Variants in ZNF385D observed in about 807,000 individuals in gnomAD.
The protein encoded by ZNF385D is zinc finger protein 659.
ZNF385D carries 15 observed loss-of-function variants against 35.8 expected under a neutral mutation model. That is an observed-to-expected ratio of 0.42 (90% CI 0.28 to 0.64). The LOEUF (loss-of-function observed/expected upper bound fraction) is 0.64. ZNF385D is among the 30% of genes least tolerant of loss of function. The pLI is 0.23. For synonymous variants in ZNF385D, 212 were observed against 186.8 expected (o/e 1.13, Z -1.10); for missense variants, 474 against 494.6 (o/e 0.96, Z 0.39).
chr3:21,796,086 T>C (rs903953535), intron 3 of ZNF385D, among the ~76,000 whole-genome samples: 17 of 152,218 alleles, frequency 1.1e-4, no homozygotes, highest in African/African-American at 3.9e-4. Flanking sequence ...CTCGACACTA[T>C]GAACAGTTGC....
chr3:21,589,259 C>G (rs2063901089), intron 2 of ZNF385D, among the ~76,000 whole-genome samples: 1 of 152,158 alleles, frequency 6.6e-6, no homozygotes, highest in African/African-American at 2.4e-5. Context: ...AAGAGCACTT[C>G]AGGCAAAGGC....
chr3:21,534,123 A>G (rs2061984212), intron 3 of ZNF385D, among the ~76,000 whole-genome samples: 1 of 144,532 alleles, frequency 6.9e-6, no homozygotes, highest in South Asian at 2.2e-4. Context: ...TGAGACTCAC[A>G]GAAGTTAAAA....
At chr3:21,573,782 G>A (rs116471623) in intron 2 of ZNF385D, among the ~76,000 whole-genome samples, 4,215 of 152,124 alleles carry the variant, frequency 0.028, 134 homozygotes, top group South Asian at 0.11. Context: ...ATAATGGGCT[G>A]GGCACGGTGG....
chr3:21,926,470 T>C (rs1369172076), intron 3 of ZNF385D, among the ~76,000 whole-genome samples: 4 of 152,194 alleles, frequency 2.6e-5, no homozygotes, highest in Admixed American at 2.6e-4. Flanking sequence ...GAACTCATCC[T>C]TTTTTATGGC....
intron 3 of ZNF385D, among the ~76,000 whole-genome samples, chr3:22,155,204 A>G (rs1417573306): frequency 6.6e-6 from 1 of 152,152 alleles, no homozygotes; most frequent in Non-Finnish European, 1.5e-5. Flanking sequence ...ATAAAAATAA[A>G]TAAAAAGATC....
At chr3:22,241,572 T>C (rs763825061) in intron 2 of ZNF385D, among the ~76,000 whole-genome samples, 4 of 151,226 alleles carry the variant, frequency 2.6e-5, no homozygotes, top group Non-Finnish European at 4.4e-5. Flanking sequence ...GCTTTGGATT[T>C]ATTATTTCTA....
intron 3 of ZNF385D, among the ~76,000 whole-genome samples, chr3:22,068,583 A>G (rs949935031): frequency 6.6e-6 from 1 of 152,172 alleles, no homozygotes. Context: ...GGCTTCCTAC[A>G]GGTTCAACAT....
At chr3:22,168,682 C>G (rs756121823) in intron 3 of ZNF385D, 116 of 427,944 alleles carry the variant, frequency 2.7e-4, no homozygotes, top group Admixed American at 4.5e-4. Flanking sequence ...TTAATGTACT[C>G]TGCTGATAAA....
intron 3 of ZNF385D, among the ~76,000 whole-genome samples, chr3:22,121,456 G>T (rs976400686): frequency 1.3e-5 from 2 of 152,036 alleles, no homozygotes; most frequent in African/African-American, 4.8e-5. Flanking sequence ...TGATGTAAAT[G>T]GAAAAAGGTA....
At chr3:22,042,645 C>G (rs1314000462) in intron 3 of ZNF385D, among the ~76,000 whole-genome samples, 1 of 152,138 alleles carries the variant, frequency 6.6e-6, no homozygotes, top group Non-Finnish European at 1.5e-5. Context: ...ATAAAACACC[C>G]ATTGCTTCTC....
At chr3:22,143,985 C>T (rs928876580) in intron 3 of ZNF385D, among the ~76,000 whole-genome samples, 7 of 152,064 alleles carry the variant, frequency 4.6e-5, no homozygotes, top group Non-Finnish European at 8.8e-5. Context: ...GTATTGTCAG[C>T]TACATTTCAT....
At chr3:21,568,654 C>G (rs1480076516) in intron 2 of ZNF385D, among the ~76,000 whole-genome samples, 5 of 152,114 alleles carry the variant, frequency 3.3e-5, no homozygotes, top group African/African-American at 9.7e-5. Context: ...ATATTACAAT[C>G]TCTGAGATGC....
At chr3:22,100,492 T>C (rs1350925414) in intron 3 of ZNF385D, among the ~76,000 whole-genome samples, 1 of 152,016 alleles carries the variant, frequency 6.6e-6, no homozygotes, top group Non-Finnish European at 1.5e-5. Context: ...ACCATGGATA[T>C]ACTATGCAGC....
chr3:21,811,259 T>A (rs916923579), intron 3 of ZNF385D, among the ~76,000 whole-genome samples: 1 of 152,066 alleles, frequency 6.6e-6, no homozygotes, highest in Non-Finnish European at 1.5e-5. Flanking sequence ...AACACCCTGA[T>A]CGCTCAAAAT....
At chr3:22,176,053 T>G (rs1304185383) in intron 2 of ZNF385D, among the ~76,000 whole-genome samples, 1 of 147,742 alleles carries the variant, frequency 6.8e-6, no homozygotes, top group East Asian at 1.9e-4. Flanking sequence ...ATAATTTTGC[T>G]TTGATCTAAT....
At chr3:22,104,314 C>A (rs1391562691) in intron 3 of ZNF385D, among the ~76,000 whole-genome samples, 4 of 152,080 alleles carry the variant, frequency 2.6e-5, no homozygotes, top group Non-Finnish European at 4.4e-5. Flanking sequence ...TCTCCTGCTA[C>A]CAAAGGCTCC....
chr3:21,989,638 G>T (rs886665644), intron 3 of ZNF385D, among the ~76,000 whole-genome samples: 1 of 151,886 alleles, frequency 6.6e-6, no homozygotes, highest in Non-Finnish European at 1.5e-5. Flanking sequence ...AACACTGGAT[G>T]CATGTTCTTA....
intron 3 of ZNF385D, among the ~76,000 whole-genome samples, chr3:21,823,797 T>C (rs762274871): frequency 1.3e-5 from 2 of 152,192 alleles, no homozygotes; most frequent in African/African-American, 2.4e-5. Context: ...TTGTGCCGCA[T>C]TGTCAGATAA....
At chr3:21,600,903 A>G (rs1230805428) in intron 2 of ZNF385D, among the ~76,000 whole-genome samples, 1 of 152,018 alleles carries the variant, frequency 6.6e-6, no homozygotes, top group Non-Finnish European at 1.5e-5. Flanking sequence ...GGATGAATAG[A>G]TTAAAAGATA....
Sources: gnomAD v4.1 joint callset for allele counts (sites outside exome capture counted in the v4.1 genomes callset) on GRCh38, gnomAD v4.1.1 for gene constraint, MANE v1.5 for transcripts, NCBI Gene and HGNC (gene_info 2026-07-23, HGNC 2026-07-21) for gene names.